Variants in ARMC9 observed in about 807,000 individuals in gnomAD.
The protein encoded by ARMC9 is armadillo repeat containing 9.
ARMC9 carries 94 observed loss-of-function variants against 107.0 expected under a neutral mutation model. The ratio of observed to expected loss-of-function variants is 0.88; its 90% CI spans 0.74 to 1.04. ARMC9 has a LOEUF of 1.04. Ranked by LOEUF, ARMC9 falls within the 50% of genes least tolerant of loss-of-function variation. The probability of loss-of-function intolerance (pLI) is 0.00; values close to 1 mark genes in which losing one functional copy is unlikely to be tolerated. For missense variants in ARMC9, 942 were observed against 1,030.1 expected, an observed-to-expected ratio of 0.91 and a Z score of 1.17; for synonymous variants, 380 against 396.9, an observed-to-expected ratio of 0.96 and a Z score of 0.51.
chr2:231,284,684 G>A (rs917631731), intron 17 of ARMC9, among the ~76,000 whole-genome samples: 2 of 152,116 alleles, frequency 1.3e-5, no homozygotes, highest in East Asian at 1.9e-4. Context: ...AGATACCATC[G>A]CATTTATTGT....
intron 20 of ARMC9, among the ~76,000 whole-genome samples, chr2:231,341,866 C>T (rs750724474): frequency 2.0e-5 from 3 of 152,116 alleles, no homozygotes; most frequent in Non-Finnish European, 4.4e-5. Context: ...AAATATGCTG[C>T]ATTTTTTAGT....
intron 21 of ARMC9, among the ~76,000 whole-genome samples, chr2:231,352,618 C>A (rs2045139443): frequency 1.3e-5 from 2 of 151,348 alleles, no homozygotes; most frequent in African/African-American, 2.4e-5. Flanking sequence ...GCCACCGCAC[C>A]CACTGCTAGG....
At chr2:231,252,601 A>G (rs1248562417) in intron 9 of ARMC9, among the ~76,000 whole-genome samples, 1 of 151,994 alleles carries the variant, frequency 6.6e-6, no homozygotes, top group Non-Finnish European at 1.5e-5. Flanking sequence ...CTGACTTGTT[A>G]TCTTAGCTTC....
chr2:231,338,819 C>G (rs1027119532), intron 20 of ARMC9, among the ~76,000 whole-genome samples: 1 of 151,670 alleles, frequency 6.6e-6, no homozygotes, highest in East Asian at 1.9e-4. Flanking sequence ...CTGTATATGG[C>G]AAATTAGTAA....
chr2:231,201,076 A>G (rs543995631), intron 1 of ARMC9, among the ~76,000 whole-genome samples: 18 of 152,194 alleles, frequency 1.2e-4, no homozygotes, highest in African/African-American at 3.4e-4. Context: ...GAGCAAGGAG[A>G]GGGATCAGGT....
At chr2:231,198,890 G>C (rs1172314635) in intron 1 of ARMC9, 192 bp downstream of exon 1, 1 of 152,328 alleles carries the variant, frequency 6.6e-6, no homozygotes, top group Non-Finnish European at 1.5e-5. Flanking sequence ...TTCGGCAAGG[G>C]CCGAGGCGGC....
intron 17 of ARMC9, chr2:231,288,778 A>T (rs2040791580): frequency 6.4e-6 from 3 of 467,610 alleles, no homozygotes; most frequent in Admixed American, 2.4e-5. Flanking sequence ...CCGTGGTTTG[A>T]CTCCAGAGCC....
At position 231,362,708 on chromosome 2, in the gene ARMC9, T is replaced by C. The variant is rs1444033926; in HGVS notation, c.2261+1825T>C. The C allele has an allele frequency of 6.5e-6, 1 of 152,976 alleles. No individual in the cohort carries two copies. Among genetic ancestry groups the C allele is most frequent in the Non-Finnish European group, 1.5e-5 (1 of 67,986 alleles). 9.5% of individuals were successfully genotyped at this position (152,976 alleles called of 1,614,324 possible). A position where few individuals can be genotyped will look rare whatever the true frequency, so the allele number is the denominator to read the frequency against. On this transcript the variant is annotated intron_variant, in intron 23 of 24. Coordinates refer to ENST00000611582, the MANE Select transcript of ARMC9 (RefSeq NM_001352754.2). This position sits in a 1 kb window ranked among gnomAD's most constrained non-coding sequence, Gnocchi z 4.7. ...TTCCTCCCTCACTGGCAACGTCATC[T>C]AGAATATTTCGGCATTCTAGATGAG...
chr2:231,351,573 A>G (rs976184263), intron 21 of ARMC9, among the ~76,000 whole-genome samples: 1 of 152,090 alleles, frequency 6.6e-6, no homozygotes, highest in Non-Finnish European at 1.5e-5. Flanking sequence ...TTTTTCCTAC[A>G]TATATTTTTA....
chr2:231,256,228 C>T (rs1229172686), intron 9 of ARMC9: 48 of 1,537,000 alleles, frequency 3.1e-5, no homozygotes, highest in Middle Eastern at 2.3e-4. Context: ...CCATCATCCG[C>T]AATGTAAAAG....
intron 14 of ARMC9, 134 bp downstream of exon 14, chr2:231,273,212 T>C (rs1385775032): frequency 6.4e-6 from 8 of 1,240,484 alleles, no homozygotes; most frequent in Non-Finnish European, 8.9e-6. Context: ...AAGACAGAGC[T>C]AGAAAGCTTA....
At chr2:231,355,719 G>A (rs1450567171) in intron 21 of ARMC9, 79 bp from the exon 22 acceptor site, 8 of 1,432,160 alleles carry the variant, frequency 5.6e-6, no homozygotes, top group Non-Finnish European at 7.4e-6. Flanking sequence ...TCCTGTATTT[G>A]TGATGCTGCA....
chr2:231,265,075 C>T (rs142629855), intron 12 of ARMC9, among the ~76,000 whole-genome samples: 201 of 151,134 alleles, frequency 1.3e-3, no homozygotes, highest in African/African-American at 4.4e-3. Flanking sequence ...TCTAGCCTGG[C>T]GACAGAGTGA....
chr2:231,232,455 CTT>C (rs373033096), intron 7 of ARMC9, among the ~76,000 whole-genome samples: 17,593 of 143,908 alleles, frequency 0.12, 1,990 homozygotes, highest in African/African-American at 0.3. Flanking sequence ...TGCCAGGTGA[CTT>C]TTTTTTTTTT....
At chr2:231,354,740 A>G (rs2045265375) in intron 21 of ARMC9, among the ~76,000 whole-genome samples, 1 of 152,228 alleles carries the variant, frequency 6.6e-6, no homozygotes, top group African/African-American at 2.4e-5. Context: ...CTAGGCAGGC[A>G]TGAGCTTGTC....
chr2:231,333,391 G>A (rs1412980784), intron 20 of ARMC9, among the ~76,000 whole-genome samples: 1 of 152,214 alleles, frequency 6.6e-6, no homozygotes, highest in Non-Finnish European at 1.5e-5. Context: ...GGAGGCTGGG[G>A]GGCGGGGAAC....
At chr2:231,229,886 G>A (rs796544585) in intron 7 of ARMC9, among the ~76,000 whole-genome samples, 4 of 152,242 alleles carry the variant, frequency 2.6e-5, no homozygotes, top group African/African-American at 7.2e-5. Context: ...TTAAAAAAAA[G>A]TACAGTGCCC....
chr2:231,350,635 AG>A (rs58416544), intron 21 of ARMC9, among the ~76,000 whole-genome samples: 7,373 of 123,654 alleles, frequency 0.06, 645 homozygotes, highest in African/African-American at 0.31. Context: ...AAAAAAAAAA[AG>A]AAAAAGAAAA....
chr2:231,216,223 C>T (rs1336337186), intron 4 of ARMC9, among the ~76,000 whole-genome samples: 2 of 152,178 alleles, frequency 1.3e-5, no homozygotes, highest in African/African-American at 4.8e-5. Flanking sequence ...GAAACCGCTC[C>T]TGCTGGAGGC....
Sources: allele counts gnomAD v4.1 joint callset (sites outside exome capture counted in the v4.1 genomes callset), GRCh38; gene constraint gnomAD v4.1.1; non-coding constraint Gnocchi (gnomAD v3.1); transcripts MANE v1.5; gene names NCBI Gene and HGNC (gene_info 2026-07-23, HGNC 2026-07-21).